Variants in FARS2 observed in about 807,000 individuals in gnomAD.
FARS2 encodes the protein phenylalanyl-tRNA synthetase 2, mitochondrial.
In FARS2, 40 loss-of-function variants were observed where a neutral mutation model predicts 46.4. That is an observed-to-expected ratio of 0.86 (90% confidence interval 0.67 to 1.12). FARS2 has a LOEUF of 1.12. Ranked by LOEUF, FARS2 falls within the 50% of genes most tolerant of loss-of-function variation. FARS2 has a pLI of 0.00. For synonymous variants in FARS2, 234 were observed against 214.9 expected, an observed-to-expected ratio of 1.09 and a Z score of -0.78; for missense variants, 513 against 567.9, an observed-to-expected ratio of 0.90 and a Z score of 0.98.
At chr6:5,585,735 TAC>T (rs935107677) in intron 5 of FARS2, among the ~76,000 whole-genome samples, 2 of 151,852 alleles carry the variant, frequency 1.3e-5, no homozygotes, top group African/African-American at 2.4e-5. Context: ...ATATATGGAA[TAC>T]ACACACATAT....
Position 5,333,175 on chromosome 6 carries a change from A to G in FARS2, c.-21-35375A>G, listed in dbSNP as rs1208856712. 2.0e-5 allele frequency among the ~76,000 whole-genome samples: 3 copies of G among 149,522 alleles called. 1 individual carries two copies. Among genetic ancestry groups the G allele is most frequent in the Admixed American group, 1.3e-4 (2 of 15,138 alleles). On this transcript the variant is annotated intron_variant, in intron 1 of 6. Coordinates refer to ENST00000274680, the MANE Select transcript of FARS2 (RefSeq NM_006567.5). ...TAGAAAACTAAAAGATTTTGGGAACAGTCAATAATTAAGCAATACTGTTTA... is the reference window on the plus strand; with the variant it reads ...TAGAAAACTAAAAGATTTTGGGAACGGTCAATAATTAAGCAATACTGTTTA...
chr6:5,572,504 TA>T (rs1386998872), intron 5 of FARS2, among the ~76,000 whole-genome samples: 2 of 152,026 alleles, frequency 1.3e-5, no homozygotes, highest in Admixed American at 6.6e-5. Context: ...TATCAATGCC[TA>T]AAAAACAAAT....
chr6:5,347,243 T>C (rs1757297587), intron 1 of FARS2, among the ~76,000 whole-genome samples: 1 of 152,178 alleles, frequency 6.6e-6, no homozygotes, highest in South Asian at 2.1e-4. Flanking sequence ...AAAGTATGTA[T>C]CTTTGCAATT....
Position 5,478,071 on chromosome 6 carries a change from A to G in FARS2, c.904+46899A>G, listed in dbSNP as rs887982575. 6.7e-5 allele frequency among the ~76,000 whole-genome samples: 7 copies of G among 105,170 alleles called. No individual in the cohort carries two copies. In the South Asian group the frequency reaches 2.6e-3, roughly 38 times the overall value. The allele number at this position is 105,170 out of a possible 152,430, so 69.0% of individuals were successfully genotyped here. A position where few individuals can be genotyped will look rare whatever the true frequency, so the allele number is the denominator to read the frequency against. Reference sequence around the variant, plus strand: ...AAACCAGTAACAATGACCCGCCCCCACCAACACACATACAATAAAACACTT... The same window carrying G: ...AAACCAGTAACAATGACCCGCCCCCGCCAACACACATACAATAAAACACTT... On this transcript the variant is annotated intron_variant, in intron 4 of 6. Coordinates refer to ENST00000274680, the MANE Select transcript of FARS2 (RefSeq NM_006567.5).
intron 6 of FARS2, among the ~76,000 whole-genome samples, chr6:5,664,809 T>C (rs1246324989): frequency 1.3e-5 from 2 of 152,172 alleles, no homozygotes; most frequent in Non-Finnish European, 2.9e-5. Flanking sequence ...ATTCAGTAGC[T>C]CAAGGGCAGC....
chr6:5,609,941 T>A (rs1679636568), intron 5 of FARS2: 1 of 1,266,814 alleles, frequency 7.9e-7, no homozygotes, highest in Non-Finnish European at 1.1e-6. Context: ...ACAGCTCTCT[T>A]TGGTTCCACA....
chr6:5,566,788 G>A (rs1446890842), intron 5 of FARS2, among the ~76,000 whole-genome samples: 1 of 152,180 alleles, frequency 6.6e-6, no homozygotes, highest in East Asian at 1.9e-4. Flanking sequence ...GCCACACCAA[G>A]CATTTAAGAT....
At chr6:5,753,849 G>T (rs1762074822) in intron 6 of FARS2, among the ~76,000 whole-genome samples, 1 of 152,190 alleles carries the variant, frequency 6.6e-6, no homozygotes, top group Non-Finnish European at 1.5e-5. Flanking sequence ...CCATGGTGGT[G>T]CTGAGAGAGG....
intron 4 of FARS2, among the ~76,000 whole-genome samples, chr6:5,442,887 A>C: frequency 6.6e-6 from 1 of 152,148 alleles, no homozygotes; most frequent in Non-Finnish European, 1.5e-5. Flanking sequence ...CATTACTGTA[A>C]TAAAAATAAA....
At chr6:5,631,622 G>T (rs890439176) in intron 6 of FARS2, among the ~76,000 whole-genome samples, 1 of 152,234 alleles carries the variant, frequency 6.6e-6, no homozygotes, top group Non-Finnish European at 1.5e-5. Flanking sequence ...AATTGTCTGA[G>T]ATCTTGGATA....
chr6:5,533,384 T>TA (rs1178311941), intron 4 of FARS2, among the ~76,000 whole-genome samples: 1 of 152,224 alleles, frequency 6.6e-6, no homozygotes, highest in Non-Finnish European at 1.5e-5. Flanking sequence ...ATTGAAAACT[T>TA]AAAGTATGAA....
At chr6:5,339,600 T>C (rs1771411164) in intron 1 of FARS2, among the ~76,000 whole-genome samples, 1 of 152,068 alleles carries the variant, frequency 6.6e-6, no homozygotes, top group South Asian at 2.1e-4. Flanking sequence ...CTACTTTTTA[T>C]ATATTTATAT....
At chr6:5,357,387 T>C (rs1758000537) in intron 1 of FARS2, among the ~76,000 whole-genome samples, 1 of 152,216 alleles carries the variant, frequency 6.6e-6, no homozygotes, top group African/African-American at 2.4e-5. Flanking sequence ...CTGAAGCAAC[T>C]TGAGGACATA....
chr6:5,701,191 G>A (rs1278808192), intron 6 of FARS2, among the ~76,000 whole-genome samples: 3 of 152,246 alleles, frequency 2.0e-5, no homozygotes, highest in Admixed American at 6.5e-5. Context: ...CACAGGATCC[G>A]CTAAGTCGTC....
chr6:5,713,804 A>C (rs1394122068), intron 6 of FARS2, among the ~76,000 whole-genome samples: 1 of 152,208 alleles, frequency 6.6e-6, no homozygotes. Flanking sequence ...GATTCGGCCC[A>C]GGTGTAACAC....
intron 1 of FARS2, among the ~76,000 whole-genome samples, chr6:5,324,398 G>T: frequency 6.9e-6 from 1 of 144,070 alleles, no homozygotes; most frequent in Non-Finnish European, 1.5e-5. Flanking sequence ...CCAATTACTG[G>T]TCTTTTTAGG....
chr6:5,713,772 C>T (rs1368494009), intron 6 of FARS2, among the ~76,000 whole-genome samples: 1 of 152,220 alleles, frequency 6.6e-6, no homozygotes, highest in Non-Finnish European at 1.5e-5. Context: ...GAGGGTGGCG[C>T]TTTGAGCAGG....
chr6:5,540,363 T>C (rs982455087), intron 4 of FARS2, among the ~76,000 whole-genome samples: 6 of 152,274 alleles, frequency 3.9e-5, no homozygotes, highest in Admixed American at 3.9e-4. Context: ...ATTTCTCATC[T>C]GTGAAACTGG....
chr6:5,400,148 T>C (rs1761167590), intron 2 of FARS2, among the ~76,000 whole-genome samples: 2 of 152,232 alleles, frequency 1.3e-5, no homozygotes, highest in Non-Finnish European at 2.9e-5. Flanking sequence ...TGTCTGACTT[T>C]TAACTTTTTG....
Sources: allele counts gnomAD v4.1 joint callset (sites outside exome capture counted in the v4.1 genomes callset), GRCh38; gene constraint gnomAD v4.1.1; transcripts MANE v1.5; gene names NCBI Gene and HGNC (gene_info 2026-07-23, HGNC 2026-07-21).